TNC: variants seen among roughly 807,000 people sequenced by gnomAD.
TNC encodes tenascin C, also known as tenascin.
In TNC, 109 loss-of-function variants were observed where a neutral mutation model predicts 202.4. The ratio of observed to expected loss-of-function variants is 0.54; its 90% CI spans 0.46 to 0.63. The LOEUF is 0.63. TNC is among the 30% of genes least tolerant of loss of function. TNC has a pLI of 0.00. For synonymous variants in TNC, 1,007 were observed against 1,089.7 expected, an observed-to-expected ratio of 0.92 and a Z score of 1.50; for missense variants, 2,756 against 2,833.3, an observed-to-expected ratio of 0.97 and a Z score of 0.62.
intron 11 of TNC, 37 bp from the exon 12 acceptor site, chr9:115,064,105 CA>C (rs1564459043): frequency 1.3e-6 from 2 of 1,547,614 alleles, no homozygotes; most frequent in South Asian, 2.5e-5. Context: ...GTGATCAAAT[CA>C]CACAACAAGA....
At chr9:115,038,469 C>G (rs1588027543) in intron 19 of TNC, 89 bp from the exon 20 acceptor site, 1 of 1,511,372 alleles carries the variant, frequency 6.6e-7, no homozygotes, top group African/African-American at 1.4e-5. Flanking sequence ...TTATGGAGTC[C>G]TGATGTTAGG....
rs2133671510 is a variant in TNC at position 115,090,779 on chromosome 9, A to G, written c.240T>C (p.Pro80=). 1 of 1,614,182 alleles carries G rather than the reference A, an allele frequency of 6.2e-7. No individual in the cohort carries two copies. Among genetic ancestry groups the G allele is most frequent in the South Asian group, 1.1e-5 (1 of 91,086 alleles). ...CCTGAAAGCTTTCGCTGGGCTCTGA[A>G]GGCGGTGCCAGGTCTTTCTCCCCAC... ...SASGEKDLAP[P]SEPSESFQEH... is the part of the protein sequence containing the mutation. The change falls in exon 2 of 28, where the codon CCT becomes CCC. Residue 80 remains proline (P), a synonymous_variant. Transcript: ENST00000350763.
intron 1 of TNC, among the ~76,000 whole-genome samples, chr9:115,094,956 G>A (rs2133820034): frequency 6.6e-6 from 1 of 152,068 alleles, no homozygotes; most frequent in Non-Finnish European, 1.5e-5. Context: ...GACTTTTCTA[G>A]TTGGAATTGG....
intron 16 of TNC, among the ~76,000 whole-genome samples, chr9:115,047,826 G>A (rs889740108): frequency 1.3e-5 from 2 of 152,160 alleles, no homozygotes; most frequent in African/African-American, 2.4e-5. Context: ...TTCCAATGAC[G>A]AGCCCACTGG....
chr9:115,027,917 G>A (rs940287737), intron 25 of TNC, among the ~76,000 whole-genome samples: 1 of 152,060 alleles, frequency 6.6e-6, no homozygotes, highest in Non-Finnish European at 1.5e-5. Context: ...AAAATCACCT[G>A]GTGACCATCA....
At chr9:115,117,897 A>G (rs1837590439) in intron 1 of TNC, 85 bp downstream of exon 1, 1 of 152,126 alleles carries the variant, frequency 6.6e-6, no homozygotes, top group South Asian at 2.1e-4. Context: ...TTGTAATTAT[A>G]ATATAAAATC....
At chr9:115,108,736 T>A (rs1836812881) in intron 1 of TNC, among the ~76,000 whole-genome samples, 1 of 152,204 alleles carries the variant, frequency 6.6e-6, no homozygotes, top group Non-Finnish European at 1.5e-5. Context: ...GCAGAGTCTT[T>A]GGGAGGTACT....
chr9:115,052,104 A>G (rs1588068812), intron 15 of TNC, among the ~76,000 whole-genome samples: 1 of 150,514 alleles, frequency 6.6e-6, no homozygotes, highest in East Asian at 1.9e-4. Flanking sequence ...ACACATATAT[A>G]TATAATGGAA....
Position 115,046,633 on chromosome 9 carries a change from G to C in TNC, c.4902C>G (p.Asp1634Glu), listed in dbSNP as rs761059514. 2 of 1,613,850 alleles carry C rather than the reference G, an allele frequency of 1.2e-6. No individual in the cohort carries two copies. Among genetic ancestry groups the C allele is most frequent in the Non-Finnish European group, 1.7e-6 (2 of 1,180,002 alleles). Reference sequence around the variant, plus strand: ...CAGCTGTCCAGGACAGACGGAAACCGTCTGGGGTGGCATCTGAAACCAGAA... The same window carrying C: ...CAGCTGTCCAGGACAGACGGAAACCCTCTGGGGTGGCATCTGAAACCAGAA... ...DNLLVSDATPDGFRLSWTADE... is the reference protein window; with the variant it reads ...DNLLVSDATPEGFRLSWTADE... The change falls in exon 17 of 28, where the codon GAC becomes GAG. Residue 1634 changes from aspartate (D) to glutamate (E), a missense_variant. This residue lies in a region of TNC where 2,559 missense variants were observed against 2,546.0 expected (regional missense o/e 1.01). Coordinates refer to ENST00000350763, the MANE Select transcript of TNC (RefSeq NM_002160.4).
At chr9:115,109,839 T>C (rs188312440) in intron 1 of TNC, among the ~76,000 whole-genome samples, 32 of 152,314 alleles carry the variant, frequency 2.1e-4, no homozygotes, top group African/African-American at 7.7e-4. Context: ...GGGTGAAGCG[T>C]GAAAACAACT....
In TNC at chr9:115,064,936, A is replaced by G; in HGVS notation, c.3215-17T>C. The G allele has an allele frequency of 6.2e-7, 1 of 1,606,738 alleles. No individual in the cohort carries two copies. Among genetic ancestry groups the G allele is most frequent in the Non-Finnish European group, 8.5e-7 (1 of 1,175,762 alleles). On this transcript the variant is annotated splice_polypyrimidine_tract_variant and intron_variant, in intron 10 of 27. Coordinates refer to ENST00000350763, the MANE Select transcript of TNC (RefSeq NM_002160.4). ...GGGCTTGTTCTGAATAATGACAGAG[A>G]TGGGGTCAGTTAAACTATTCCTCAG...
At chr9:115,083,727 C>A (rs1222869654) in intron 4 of TNC, among the ~76,000 whole-genome samples, 3 of 151,844 alleles carry the variant, frequency 2.0e-5, no homozygotes, top group Non-Finnish European at 4.4e-5. Flanking sequence ...GCCTCAGCCT[C>A]CTGAGTAGCC....
chr9:115,055,750 T>A (rs938725836), intron 15 of TNC: 3 of 152,238 alleles, frequency 2.0e-5, no homozygotes, highest in African/African-American at 7.3e-5. Flanking sequence ...GTTTGGCTAC[T>A]AAAGCAAGAA....
At position 115,040,906 on chromosome 9, in the gene TNC, A is replaced by AATAC. The variant is rs1554793675; in HGVS notation, c.5392+34_5392+35insGTAT. 2.7e-6 allele frequency: 4 copies of AATAC among 1,477,464 alleles called. No homozygotes were observed. In the East Asian group the frequency reaches 7.1e-5, roughly 26 times the overall value. 91.5% of individuals were successfully genotyped at this position (1,477,464 alleles called of 1,614,324 possible). A position where few individuals can be genotyped will look rare whatever the true frequency, so the allele number is the denominator to read the frequency against. ...GCACAAGTGACCTCTGAAAAATAGT[A>AATAC]ACACACACACACACACACAACCCCA... is the stretch of plus-strand genomic sequence containing the variant. On this transcript the variant is annotated intron_variant, in intron 19 of 27. Coordinates refer to ENST00000350763, the MANE Select transcript of TNC (RefSeq NM_002160.4).
At chr9:115,098,993 C>T (rs1318683750) in intron 1 of TNC, among the ~76,000 whole-genome samples, 12 of 136,038 alleles carry the variant, frequency 8.8e-5, no homozygotes, top group Middle Eastern at 4.9e-3. Flanking sequence ...TGAGTGAGTC[C>T]GGTGCAACCT....
intron 6 of TNC, among the ~76,000 whole-genome samples, chr9:115,080,246 A>G (rs1457074550): frequency 6.6e-6 from 1 of 152,244 alleles, no homozygotes; most frequent in Non-Finnish European, 1.5e-5. Flanking sequence ...GCAGTGAAAA[A>G]AAAAGTTCAG....
intron 17 of TNC, among the ~76,000 whole-genome samples, chr9:115,045,615 C>T (rs1382895754): frequency 7.1e-6 from 1 of 140,196 alleles, no homozygotes; most frequent in Non-Finnish European, 1.5e-5. Flanking sequence ...CTCCTGGACT[C>T]AAGTGATCCT....
At chr9:115,088,161 G>T (rs552323702) in intron 2 of TNC, among the ~76,000 whole-genome samples, 2 of 152,140 alleles carry the variant, frequency 1.3e-5, no homozygotes, top group Non-Finnish European at 2.9e-5. Flanking sequence ...TTTCTTATAC[G>T]TGAAGTTGGG....
chr9:115,023,879 A>C (rs1829274457), intron 27 of TNC, 94 bp downstream of exon 27: 4 of 1,403,128 alleles, frequency 2.9e-6, no homozygotes, highest in African/African-American at 1.4e-5. Flanking sequence ...CCTGCCTCCT[A>C]GTCTCTGCTA....
Sources: allele counts gnomAD v4.1 joint callset (sites outside exome capture counted in the v4.1 genomes callset), GRCh38; gene constraint gnomAD v4.1.1; regional missense constraint gnomAD v4.1.1; transcripts MANE v1.5; gene names NCBI Gene and HGNC (gene_info 2026-07-23, HGNC 2026-07-21).